ZNF555: variants seen among roughly 807,000 people sequenced by gnomAD.
ZNF555 encodes zinc finger protein 555.
A neutral mutation model predicts 14.0 loss-of-function variants in ZNF555; 10 were observed. That is an observed-to-expected ratio of 0.72 (90% CI 0.44 to 1.21). ZNF555 has a LOEUF of 1.21. Among genes scored for constraint, ZNF555 ranks in the 50% most tolerant of loss-of-function variants. ZNF555 has a pLI of 0.00. For synonymous variants in ZNF555, 277 were observed against 262.4 expected (o/e 1.06, Z -0.54); for missense variants, 747 against 762.0 (o/e 0.98, Z 0.23).
chr19:2,852,341 C>G (rs756633834), intron 3 of ZNF555, 39 bp from the exon 4 acceptor site: 14 of 1,609,886 alleles, frequency 8.7e-6, no homozygotes, highest in Non-Finnish European at 1.2e-5. Context: ...ACTAACAAAT[C>G]ATTATTAATC....
chr19:2,859,504 A>G lies in ZNF555; in HGVS notation c.*5552A>G, dbSNP rs2087713867. The G allele has an allele frequency of 6.6e-6, 1 of 152,290 alleles. No individual in the cohort carries two copies. Among genetic ancestry groups the G allele is most frequent in the African/African-American group, 2.4e-5 (1 of 41,436 alleles). 9.4% of individuals were successfully genotyped at this position (152,290 alleles called of 1,614,324 possible). A position where few individuals can be genotyped will look rare whatever the true frequency, so the allele number is the denominator to read the frequency against. ...ATATGATGGCGTCAGAGGTGACTGC[A>G]AAAAAGGACAGGGCAGCTGGGCGAG... On this transcript the variant is annotated 3_prime_UTR_variant, in exon 4 of 4. Transcript: ENST00000334241.
intron 1 of ZNF555, among the ~76,000 whole-genome samples, chr19:2,843,085 A>C (rs371839298): frequency 2.0e-5 from 3 of 152,272 alleles, no homozygotes; most frequent in African/African-American, 7.2e-5. Context: ...TTCAGGAAAA[A>C]AATTAAAATC....
chr19:2,850,282 A>G (rs1316172330), intron 1 of ZNF555, among the ~76,000 whole-genome samples: 1 of 152,244 alleles, frequency 6.6e-6, no homozygotes, highest in Non-Finnish European at 1.5e-5. Flanking sequence ...GTCTTAAAAT[A>G]CAAGTATTTG....
chr19:2,843,497 G>C (rs1250699525), intron 1 of ZNF555, among the ~76,000 whole-genome samples: 1 of 152,180 alleles, frequency 6.6e-6, no homozygotes, highest in Non-Finnish European at 1.5e-5. Flanking sequence ...GGGGAGAAGA[G>C]TCTCAGAGAA....
intron 1 of ZNF555, among the ~76,000 whole-genome samples, chr19:2,843,905 A>G (rs1010051697): frequency 4.0e-5 from 6 of 151,720 alleles, no homozygotes; most frequent in Non-Finnish European, 5.9e-5. Flanking sequence ...GTCTCGCTCT[A>G]TTGCCCAGGC....
In ZNF555 at chr19:2,841,561, T is replaced by G; in HGVS notation, c.-12T>G. On this transcript the variant is annotated 5_prime_UTR_variant, in exon 1 of 4. Coordinates refer to ENST00000334241, the MANE Select transcript of ZNF555 (RefSeq NM_152791.5). ...CTCACCTGCGCCGGTAGCGAAGAAA[T>G]CGCCCCGGGACATGGTGAGTGTGGC... 2 of 1,543,520 alleles carry G rather than the reference T, an allele frequency of 1.3e-6. No homozygotes were observed. The highest frequency in any genetic ancestry group is 1.4e-5 in the African/African-American group (1 of 72,022).
intron 3 of ZNF555, 27 bp from the exon 4 acceptor site, chr19:2,852,353 A>G: frequency 6.2e-7 from 1 of 1,612,840 alleles, no homozygotes. Flanking sequence ...TTATTAATCA[A>G]ACCAATAACA....
chr19:2,846,335 C>T (rs149063553), intron 1 of ZNF555, among the ~76,000 whole-genome samples: 1 of 152,342 alleles, frequency 6.6e-6, no homozygotes, highest in Non-Finnish European at 1.5e-5. Flanking sequence ...GCATGCAACA[C>T]TTCCTTCAGG....
rs149150237 is a variant in ZNF555 at position 2,853,279 on chromosome 19, T to C, written c.1214T>C (p.Phe405Ser). ...GAATGCAACCAGTGCGGGAAAGCAT[T>C]CAGTCACCCCTCCTCCTTTCGAGGA... Reference protein sequence around the residue: ...PYECNQCGKAFSHPSSFRGHM... With the variant: ...PYECNQCGKASSHPSSFRGHM... The change falls in exon 4 of 4, where the codon TTC becomes TCC. Residue 405 changes from phenylalanine (F) to serine (S), a missense_variant. By Grantham distance (155) the Phe-to-Ser change is radical. Coordinates refer to ENST00000334241, the MANE Select transcript of ZNF555 (RefSeq NM_152791.5). 27 of 1,614,132 alleles carry C rather than the reference T, an allele frequency of 1.7e-5. No homozygotes were observed. Among genetic ancestry groups the C allele is most frequent in the Non-Finnish European group, 2.3e-5 (27 of 1,179,998 alleles).
Position 2,853,072 on chromosome 19 carries a change from G to A in ZNF555, c.1007G>A (p.Gly336Glu). ...AFRRHMITHT[G>E]EKPYECKQCG... ...CGAAGACACATGATAACACACACTG[G>A]AGAGAAACCCTACGAATGCAAACAA... Residue 336 changes from glycine (G) to glutamate (E), a missense_variant, in exon 4 of 4, where the codon GGA becomes GAA. Physicochemically the swap from Gly to Glu is moderately conservative, Grantham distance 98. Coordinates refer to ENST00000334241, the MANE Select transcript of ZNF555 (RefSeq NM_152791.5). The A allele has an allele frequency of 6.2e-7, 1 of 1,614,142 alleles. No individual in the cohort carries two copies. The highest frequency in any genetic ancestry group is 8.5e-7 in the Non-Finnish European group (1 of 1,180,008).
rs1326599028 is a variant in ZNF555 at position 2,842,122 on chromosome 19, G to C, written c.3+547G>C. Among the ~76,000 whole-genome samples the C allele has an allele frequency of 2.0e-5, 3 of 152,122 alleles. No homozygotes were observed. The South Asian group carries it at 6.2e-4, about 31-fold the overall frequency. On this transcript the variant is annotated intron_variant, in intron 1 of 3. Transcript: ENST00000334241. ...GCGCCTCCGGCCGCGGTCTCTGGGG[G>C]ACCCTGGGTTCCTCCCGGGACAGCC...
Position 2,849,420 on chromosome 19 carries a change from G to A in ZNF555, c.4-1167G>A, listed in dbSNP as rs531445288. 2.6e-5 allele frequency among the ~76,000 whole-genome samples: 4 copies of A among 151,584 alleles called. No individual in the cohort carries two copies. In the South Asian group the frequency reaches 6.3e-4, roughly 24 times the overall value. ...TGAAAATTCGTAGTCAAATGGTTTG[G>A]ACTTCAGTTAACTCCTTTGCAAAGT... On this transcript the variant is annotated intron_variant, in intron 1 of 3. Transcript: ENST00000334241.
In ZNF555 at chr19:2,854,158, G is replaced by A. The variant is rs2087664668; in HGVS notation, c.*206G>A. 3.4e-6 allele frequency: 2 copies of A among 582,448 alleles called. No homozygotes were observed. The highest frequency in any genetic ancestry group is 2.2e-5 in the South Asian group (1 of 44,484). 36.1% of individuals were successfully genotyped at this position (582,448 alleles called of 1,614,324 possible). A position where few individuals can be genotyped will look rare whatever the true frequency, so the allele number is the denominator to read the frequency against. ...TTTGAAGTGTATTTTTAATATGCAA[G>A]TAGGTTCAAGTTTTATTTAATTTCT... On this transcript the variant is annotated 3_prime_UTR_variant, in exon 4 of 4. Coordinates refer to ENST00000334241, the MANE Select transcript of ZNF555 (RefSeq NM_152791.5).
chr19:2,845,029 G>T (rs1268221522), intron 1 of ZNF555, among the ~76,000 whole-genome samples: 1 of 152,134 alleles, frequency 6.6e-6, no homozygotes, highest in Admixed American at 6.6e-5. Flanking sequence ...AGGGAATATT[G>T]CATGATGCTG....
intron 1 of ZNF555, 73 bp downstream of exon 1, chr19:2,841,648 G>A: frequency 7.1e-7 from 1 of 1,407,150 alleles, no homozygotes; most frequent in Non-Finnish European, 9.3e-7. Context: ...CGCGGCTTGG[G>A]GGGAGCTGAG....
chr19:2,850,595 G>A lies in ZNF555; in HGVS notation c.12G>A (p.Val4=), dbSNP rs759045556. MDS[V]VFEDVAVDFT... is the part of the protein sequence containing the mutation. Reference sequence around the variant, plus strand: ...ATGTTGAATTGTTTTAGGACTCAGTGGTCTTTGAGGATGTGGCTGTGGACT... The same window carrying A: ...ATGTTGAATTGTTTTAGGACTCAGTAGTCTTTGAGGATGTGGCTGTGGACT... The change falls in exon 2 of 4, where the codon GTG becomes GTA. Residue 4 remains valine, a synonymous_variant. Coordinates refer to ENST00000334241, the MANE Select transcript of ZNF555 (RefSeq NM_152791.5). 6.2e-7 allele frequency: 1 copy of A among 1,613,688 alleles called. No individual in the cohort carries two copies. The highest frequency in any genetic ancestry group is 8.5e-7 in the Non-Finnish European group (1 of 1,179,716).
chr19:2,841,628 C>T, intron 1 of ZNF555, 53 bp downstream of exon 1: 1 of 1,455,486 alleles, frequency 6.9e-7, no homozygotes, highest in Non-Finnish European at 9.1e-7. Context: ...AACCGGCGAC[C>T]GCCCGAGACC....
intron 1 of ZNF555, among the ~76,000 whole-genome samples, chr19:2,845,150 T>C (rs576248630): frequency 1.3e-5 from 2 of 152,298 alleles, no homozygotes; most frequent in South Asian, 4.1e-4. Flanking sequence ...CCAGCGTCTA[T>C]TGTTTCCAGT....
rs763572240 is a variant in ZNF555, at chr19:2,852,555, A to G, written c.490A>G (p.Thr164Ala). ...HRRTSLKSPI[T>A]VHTGHKPYQC... ...CCGCACATCCCTCAAGAGTCCCATCACAGTTCACACTGGACACAAACCATA... is the reference window on the plus strand; with the variant it reads ...CCGCACATCCCTCAAGAGTCCCATCGCAGTTCACACTGGACACAAACCATA... The change falls in exon 4 of 4, where the codon ACA becomes GCA. Residue 164 changes from threonine to alanine, a missense_variant. Physicochemically the swap from Thr to Ala is moderately conservative, Grantham distance 58. Coordinates refer to ENST00000334241, the MANE Select transcript of ZNF555 (RefSeq NM_152791.5). 5.6e-6 allele frequency: 9 copies of G among 1,614,124 alleles called. No homozygotes were observed. In the Admixed American group the frequency reaches 1.3e-4, roughly 24 times the overall value.
Sources: allele counts gnomAD v4.1 joint callset (sites outside exome capture counted in the v4.1 genomes callset), GRCh38; gene constraint gnomAD v4.1.1; transcripts MANE v1.5; gene names NCBI Gene and HGNC (gene_info 2026-07-23, HGNC 2026-07-21).